The following LTBP4 variants were observed in gnomAD, a reference collection of about 807,000 sequenced individuals.
The protein encoded by LTBP4 is latent transforming growth factor beta binding protein 4.
In LTBP4, 93 loss-of-function variants were observed where a neutral mutation model predicts 180.2. That is an observed-to-expected ratio of 0.52 (90% CI 0.44 to 0.61). LTBP4 has a LOEUF of 0.61. Among genes scored for constraint, LTBP4 ranks in the 20% least tolerant of loss-of-function variants. The pLI, the probability that LTBP4 is intolerant of heterozygous loss-of-function variation, is 0.00. For synonymous variants in LTBP4, 947 were observed against 934.5 expected (o/e 1.01, Z -0.24); for missense variants, 2,116 against 2,256.5 (o/e 0.94, Z 1.26).
intron 15 of LTBP4, among the ~76,000 whole-genome samples, chr19:40,612,546 A>G (rs906872318): frequency 3.3e-5 from 5 of 152,150 alleles, no homozygotes; most frequent in Non-Finnish European, 7.4e-5. Flanking sequence ...AGCACTGACC[A>G]TAACCTTGAC....
At chr19:40,625,301 TA>T (rs1568414571) in intron 26 of LTBP4, among the ~76,000 whole-genome samples, 598 of 20,378 alleles carry the variant, frequency 0.029, 162 homozygotes, top group Non-Finnish European at 0.037. Flanking sequence ...TATATATATA[TA>T]TATATATATA....
chr19:40,597,434 G>A, upstream of LTBP4: 1 of 1,416,534 alleles, frequency 7.1e-7, no homozygotes, highest in Non-Finnish European at 9.2e-7. Flanking sequence ...GGTGGTCCAG[G>A]AGGACCACGG....
At position 40,626,230 on chromosome 19, in the gene LTBP4, C is replaced by G. The variant is rs180851986; in HGVS notation, c.3985+221C>G. Among the ~76,000 whole-genome samples the G allele has an allele frequency of 2.0e-5, 3 of 152,126 alleles. No individual in the cohort carries two copies. The South Asian group carries it at 6.2e-4, about 31-fold the overall frequency. ...ATCCCAAGGCCTGACCCAGCAGATCCCATAGTACCAGACCCACAGGCCCCT... is the reference window on the plus strand; with the variant it reads ...ATCCCAAGGCCTGACCCAGCAGATCGCATAGTACCAGACCCACAGGCCCCT... On this transcript the variant is annotated intron_variant, in intron 27 of 29. Coordinates refer to ENST00000396819, the MANE Select transcript of LTBP4 (RefSeq NM_001042545.2).
chr19:40,614,131 C>A, intron 18 of LTBP4, 93 bp downstream of exon 18: 2 of 1,537,240 alleles, frequency 1.3e-6, no homozygotes, highest in East Asian at 2.3e-5. Flanking sequence ...CTCCGCTTCT[C>A]CCCTCCCCTT....
At chr19:40,616,362 A>T (rs1340480418) in intron 19 of LTBP4, among the ~76,000 whole-genome samples, 1 of 151,550 alleles carries the variant, frequency 6.6e-6, no homozygotes, top group East Asian at 1.9e-4. Context: ...AGGCTGAGGC[A>T]GCTAGATTGC....
chr19:40,598,003 G>A (rs1441222589), upstream of LTBP4, among the ~76,000 whole-genome samples: 1 of 152,068 alleles, frequency 6.6e-6, no homozygotes, highest in Non-Finnish European at 1.5e-5. Context: ...ATTGAATGAG[G>A]CTCCAGTGAT....
chr19:40,609,682 G>A lies in LTBP4; in HGVS notation c.1558+21G>A. 1 of 1,612,108 alleles carries A rather than the reference G, an allele frequency of 6.2e-7. No homozygotes were observed. On this transcript the variant is annotated intron_variant, in intron 10 of 29. Transcript: ENST00000396819. This position sits in a 1 kb window ranked among gnomAD's most constrained non-coding sequence, Gnocchi z 4.9. ...CATTGGTGAGCAAGACGGAGGGCGCGGAAGGAGGCGGGGCGGGGGGCTTTG... is the reference window on the plus strand; with the variant it reads ...CATTGGTGAGCAAGACGGAGGGCGCAGAAGGAGGCGGGGCGGGGGGCTTTG...
upstream of LTBP4, among the ~76,000 whole-genome samples, chr19:40,600,952 C>T (rs1353900004): frequency 2.0e-5 from 3 of 152,156 alleles, no homozygotes; most frequent in African/African-American, 7.2e-5. The surrounding 1 kb of genome is among the most constrained non-coding windows in gnomAD (Gnocchi z 4.4). Flanking sequence ...CCATGATAGC[C>T]CCCTATCAAG....
upstream of LTBP4, chr19:40,599,962 G>A (rs1157303152): frequency 3.1e-5 from 16 of 519,884 alleles, no homozygotes; most frequent in Non-Finnish European, 4.8e-5. Flanking sequence ...TGGGGGGAGG[G>A]TTGGGCAGAG....
chr19:40,627,635 C>T (rs564492484), intron 28 of LTBP4, 70 bp from the exon 29 acceptor site: 29 of 1,529,846 alleles, frequency 1.9e-5, no homozygotes, highest in African/African-American at 4.1e-5. Flanking sequence ...GCCAAGGACG[C>T]GCACCCACCG....
At position 40,623,758 on chromosome 19, in the gene LTBP4, C is replaced by G. The variant is rs10403366; in HGVS notation, c.3685+26C>G. 3.5e-3 allele frequency: 5,689 copies of G among 1,613,056 alleles called. 180 individuals carry two copies. The African/African-American group carries it at 0.067, about 19-fold the overall frequency. ...GTACAAGCCCCACCTCCCCCAACCCCCGGCAACTCTCTCCAACCCCTAGCC... is the reference window on the plus strand; with the variant it reads ...GTACAAGCCCCACCTCCCCCAACCCGCGGCAACTCTCTCCAACCCCTAGCC... On this transcript the variant is annotated intron_variant, in intron 25 of 29. Coordinates refer to ENST00000396819, the MANE Select transcript of LTBP4 (RefSeq NM_001042545.2).
At chr19:40,599,275 G>C (rs1485458739), upstream of LTBP4, 2 of 1,613,816 alleles carry the variant, frequency 1.2e-6, no homozygotes, top group Non-Finnish European at 1.7e-6. Context: ...GGAAGATGGA[G>C]TATGAGTAGG....
chr19:40,622,386 T>G lies in LTBP4; in HGVS notation c.3218-15T>G, dbSNP rs1006736591. The G allele has an allele frequency of 4.0e-6, 6 of 1,490,610 alleles. No homozygotes were observed. The African/African-American group carries it at 8.3e-5, about 21-fold the overall frequency. 92.3% of individuals were successfully genotyped at this position (1,490,610 alleles called of 1,614,324 possible). ...GATTCAGCCCACACTGGGCTAAAGC[T>G]CCTTGTCTCCCCAGGCACGTTCCCA... is the stretch of plus-strand genomic sequence containing the variant. On this transcript the variant is annotated splice_polypyrimidine_tract_variant and intron_variant, in intron 22 of 29. Transcript: ENST00000396819. The surrounding 1 kb of genome is among the most constrained non-coding windows in gnomAD (Gnocchi z 5.1).
At chr19:40,625,153 T>G (rs1393681317) in intron 26 of LTBP4, among the ~76,000 whole-genome samples, 1 of 148,324 alleles carries the variant, frequency 6.7e-6, no homozygotes, top group African/African-American at 2.5e-5. Flanking sequence ...CACAGCTCAC[T>G]GCAGCTTCCA....
At chr19:40,624,685 C>T (rs952900507) in intron 26 of LTBP4, among the ~76,000 whole-genome samples, 1 of 152,174 alleles carries the variant, frequency 6.6e-6, no homozygotes, top group Non-Finnish European at 1.5e-5. Context: ...AGGTGTGAGC[C>T]ACCACACCTG....
chr19:40,627,985 A>C, intron 29 of LTBP4, 128 bp downstream of exon 29: 1 of 1,246,518 alleles, frequency 8.0e-7, no homozygotes, highest in Non-Finnish European at 1.1e-6. Context: ...GGGCCAGCGC[A>C]AAAGGGAGGA....
intron 6 of LTBP4, 53 bp from the exon 7 acceptor site, chr19:40,607,312 T>G (rs901441697): frequency 5.6e-5 from 68 of 1,211,684 alleles, no homozygotes; most frequent in Admixed American, 2.0e-4. Context: ...AATCCCTCAG[T>G]GCTACAGCAT....
At chr19:40,604,998 A>G (rs2081448075) in intron 1 of LTBP4, 37 bp from the exon 2 acceptor site, 1 of 1,575,022 alleles carries the variant, frequency 6.3e-7, no homozygotes, top group African/African-American at 1.4e-5. Context: ...CCTGCCAGGA[A>G]TGGTGGCGCC....
At chr19:40,624,641 C>T (rs1469407470) in intron 26 of LTBP4, among the ~76,000 whole-genome samples, 1 of 152,188 alleles carries the variant, frequency 6.6e-6, no homozygotes, top group African/African-American at 2.4e-5. Context: ...TCAGGTGATC[C>T]GCCTGCCTTG....
Sources: allele counts gnomAD v4.1 joint callset (sites outside exome capture counted in the v4.1 genomes callset), GRCh38; gene constraint gnomAD v4.1.1; non-coding constraint Gnocchi (gnomAD v3.1); transcripts MANE v1.5; gene names NCBI Gene and HGNC (gene_info 2026-07-23, HGNC 2026-07-21).